PEX14: variants seen among roughly 807,000 people sequenced by gnomAD.
PEX14 encodes the protein peroxisomal biogenesis factor 14, also known as peroxisomal membrane protein PEX14.
Under a neutral mutation model 49.5 loss-of-function variants are expected in PEX14, and 15 were observed. The observed-to-expected ratio is 0.30, with a 90% CI of 0.20 to 0.47. The LOEUF (loss-of-function observed/expected upper bound fraction) is 0.47. Among genes scored for constraint, PEX14 ranks in the 20% least tolerant of loss-of-function variants. PEX14 has a pLI of 1.00. For synonymous variants in PEX14, 210 were observed against 212.7 expected, an observed-to-expected ratio of 0.99 and a Z score of 0.11; for missense variants, 398 against 494.8, an observed-to-expected ratio of 0.80 and a Z score of 1.86.
chr1:10,498,782 G>A (rs760955242), intron 2 of PEX14, among the ~76,000 whole-genome samples: 3 of 152,162 alleles, frequency 2.0e-5, no homozygotes, highest in Admixed American at 1.3e-4. Flanking sequence ...ACAAAACTCC[G>A]CCAAAGTTAA....
At chr1:10,592,187 G>A (rs1198955247) in intron 3 of PEX14, among the ~76,000 whole-genome samples, 2 of 152,134 alleles carry the variant, frequency 1.3e-5, no homozygotes, top group Admixed American at 6.5e-5. Context: ...CATTTAAGTA[G>A]CAGAGATTCC....
At chr1:10,607,083 A>G (rs1431018201) in intron 4 of PEX14, among the ~76,000 whole-genome samples, 3 of 152,052 alleles carry the variant, frequency 2.0e-5, no homozygotes, top group East Asian at 1.9e-4. Context: ...ACTACCTATT[A>G]GATTTCTTTC....
intron 5 of PEX14, among the ~76,000 whole-genome samples, chr1:10,621,206 A>G (rs935862016): frequency 6.6e-6 from 1 of 151,674 alleles, no homozygotes; most frequent in Non-Finnish European, 1.5e-5. Flanking sequence ...AAAAAAAAAA[A>G]GAAATGGTAA....
chr1:10,520,056 TCTCAAATTCCTGGG>T (rs1255090862), intron 2 of PEX14, among the ~76,000 whole-genome samples: 7 of 151,854 alleles, frequency 4.6e-5, no homozygotes, highest in African/African-American at 2.4e-5. Flanking sequence ...CCAGGCTGGG[TCTCAAATTCCTGGG>T]CTCAGGCGAT....
At chr1:10,479,268 T>A (rs1392308864) in intron 1 of PEX14, among the ~76,000 whole-genome samples, 1 of 152,090 alleles carries the variant, frequency 6.6e-6, no homozygotes. Context: ...TTCCAGCTAC[T>A]TTGGAGGCTG....
chr1:10,582,753 A>G (rs976964560), intron 3 of PEX14, among the ~76,000 whole-genome samples: 7 of 152,138 alleles, frequency 4.6e-5, no homozygotes, highest in African/African-American at 1.4e-4. Context: ...TTTGGTTTTG[A>G]GATGGAGTCT....
intron 4 of PEX14, among the ~76,000 whole-genome samples, chr1:10,602,244 C>T (rs1226859956): frequency 6.6e-6 from 1 of 152,110 alleles, no homozygotes; most frequent in African/African-American, 2.4e-5. Flanking sequence ...TAGACACAGA[C>T]TTCTTCCTGC....
rs1431043521 is a variant in PEX14 at position 10,613,422 on chromosome 1, T to G, written c.299-4910T>G. Reference sequence around the variant, plus strand: ...GAGCTTAAGCTAGTTCGTGGAGTCCTTGGAAGGTTGGGTTTTGAAGAGCTC... The same window carrying G: ...GAGCTTAAGCTAGTTCGTGGAGTCCGTGGAAGGTTGGGTTTTGAAGAGCTC... On this transcript the variant is annotated intron_variant, in intron 4 of 8. Transcript: ENST00000356607. The surrounding 1 kb of genome is among the most constrained non-coding windows in gnomAD (Gnocchi z 5.0). 6.6e-6 allele frequency among the ~76,000 whole-genome samples: 1 copy of G among 152,194 alleles called. No individual in the cohort carries two copies. The highest frequency in any genetic ancestry group is 2.4e-5 in the African/African-American group (1 of 41,448).
rs556066929 is a variant in PEX14, at chr1:10,553,092, A to C, written c.169+16795A>C. On this transcript the variant is annotated intron_variant, in intron 3 of 8. Coordinates refer to ENST00000356607, the MANE Select transcript of PEX14 (RefSeq NM_004565.3). Reference sequence around the variant, plus strand: ...AGTTGTATGTGGAATAATAAGTTTCATGCTAGCGTTTTAGAAAGCTCTCTC... The same window carrying C: ...AGTTGTATGTGGAATAATAAGTTTCCTGCTAGCGTTTTAGAAAGCTCTCTC... Among the ~76,000 whole-genome samples, 5 of 152,322 alleles carry C rather than the reference A, an allele frequency of 3.3e-5. No homozygotes were observed. In the South Asian group the frequency reaches 1.0e-3, roughly 32 times the overall value.
intron 1 of PEX14, among the ~76,000 whole-genome samples, chr1:10,484,028 CTTTTT>C (rs200948766): frequency 7.6e-6 from 1 of 132,428 alleles, no homozygotes; most frequent in Non-Finnish European, 1.6e-5. Context: ...AATGAATTAC[CTTTTT>C]TTTTTTTTTT....
intron 4 of PEX14, among the ~76,000 whole-genome samples, chr1:10,610,289 C>T (rs1432969392): frequency 6.8e-6 from 1 of 147,922 alleles, no homozygotes; most frequent in Non-Finnish European, 1.5e-5. Flanking sequence ...GACACCATCT[C>T]ACTCTGTTGC....
chr1:10,555,529 T>C (rs1557842400), intron 3 of PEX14, among the ~76,000 whole-genome samples: 2 of 152,172 alleles, frequency 1.3e-5, no homozygotes, highest in Non-Finnish European at 2.9e-5. Context: ...GTGCTGCATA[T>C]GTGAGAGACA....
At chr1:10,564,041 T>A (rs931426266) in intron 3 of PEX14, among the ~76,000 whole-genome samples, 3 of 152,238 alleles carry the variant, frequency 2.0e-5, no homozygotes, top group African/African-American at 7.2e-5. Flanking sequence ...TTTTTCTCAA[T>A]CTTTGGTGTT....
chr1:10,563,811 C>T (rs1263755355), intron 3 of PEX14, among the ~76,000 whole-genome samples: 1 of 151,936 alleles, frequency 6.6e-6, no homozygotes, highest in African/African-American at 2.4e-5. Context: ...ACTCGGGAGG[C>T]TGAGGCAGGA....
At chr1:10,584,220 C>G (rs1238677542) in intron 3 of PEX14, among the ~76,000 whole-genome samples, 1 of 152,062 alleles carries the variant, frequency 6.6e-6, no homozygotes, top group Non-Finnish European at 1.5e-5. Flanking sequence ...CCTTGTGTGA[C>G]TACAAGTTTG....
chr1:10,582,224 A>G (rs1445658407), intron 3 of PEX14, among the ~76,000 whole-genome samples: 1 of 152,138 alleles, frequency 6.6e-6, no homozygotes, highest in African/African-American at 2.4e-5. Flanking sequence ...GAAGTACTAC[A>G]AATATATCTT....
chr1:10,559,957 C>CA (rs1487087544), intron 3 of PEX14, among the ~76,000 whole-genome samples: 1 of 152,126 alleles, frequency 6.6e-6, no homozygotes, highest in Non-Finnish European at 1.5e-5. Context: ...CTGCTTTCGG[C>CA]GTGTGTCTTC....
At position 10,539,934 on chromosome 1, in the gene PEX14, A is replaced by G. The variant is rs1638952229; in HGVS notation, c.169+3637A>G. Among the ~76,000 whole-genome samples the G allele has an allele frequency of 6.6e-6, 1 of 152,142 alleles. No homozygotes were observed. Among genetic ancestry groups the G allele is most frequent in the Non-Finnish European group, 1.5e-5 (1 of 68,018 alleles). On this transcript the variant is annotated intron_variant, in intron 3 of 8. Transcript: ENST00000356607. This position sits in a 1 kb window ranked among gnomAD's most constrained non-coding sequence, Gnocchi z 4.6. The stretch of plus-strand genomic sequence containing the variant: ...GCAAAGCAAGCTTCTAGGAAAGACA[A>G]ACATCATCTATTTTTCTGTATAACC...
At chr1:10,503,489 C>CT (rs1365423609) in intron 2 of PEX14, among the ~76,000 whole-genome samples, 1 of 150,990 alleles carries the variant, frequency 6.6e-6, no homozygotes, top group Non-Finnish European at 1.5e-5. Flanking sequence ...ATCTACAAAA[C>CT]TTTTATTTGG....
Sources: gnomAD v4.1 joint callset for allele counts (sites outside exome capture counted in the v4.1 genomes callset) on GRCh38, gnomAD v4.1.1 for gene constraint, Gnocchi (gnomAD v3.1) non-coding constraint, MANE v1.5 for transcripts, NCBI Gene and HGNC (gene_info 2026-07-23, HGNC 2026-07-21) for gene names.